The following NKTR variants were observed in gnomAD, a reference collection of about 807,000 sequenced individuals.
The protein encoded by NKTR is natural killer cell triggering receptor, also known as NK-tumor recognition protein.
Under a neutral mutation model 156.3 loss-of-function variants are expected in NKTR, and 67 were observed. The observed-to-expected ratio is 0.43, with a 90% CI of 0.35 to 0.53. The LOEUF (loss-of-function observed/expected upper bound fraction) is 0.53, where lower values mean the gene tolerates loss of function less well. Ranked by LOEUF, NKTR falls within the 20% of genes least tolerant of loss-of-function variation. The pLI is 0.01. For missense variants in NKTR, 1,604 were observed against 1,730.9 expected (o/e 0.93, Z 1.30); for synonymous variants, 640 against 596.6 (o/e 1.07, Z -1.06).
In NKTR at chr3:42,639,591, G is replaced by T; in HGVS notation, c.3887G>T (p.Ser1296Ile). The change falls in exon 13 of 17, where the codon AGT becomes ATT. Residue 1296 changes from serine to isoleucine, a missense_variant. Physicochemically the swap from Ser to Ile is moderately radical, Grantham distance 142. This residue lies in a region of NKTR where 193 missense variants were observed against 220.2 expected (regional missense o/e 0.88). Transcript: ENST00000232978. The part of the protein sequence containing the change: ...RLNRRPRNQE[S>I]SSDEQTPSRD... ...AACCGTAGACCAAGAAATCAGGAGAGTTCAAGTGATGAGCAGACGCCTAGT... is the reference window on the plus strand; with the variant it reads ...AACCGTAGACCAAGAAATCAGGAGATTTCAAGTGATGAGCAGACGCCTAGT... 1 of 1,614,214 alleles carries T rather than the reference G, an allele frequency of 6.2e-7. No individual in the cohort carries two copies. The highest frequency in any genetic ancestry group is 8.5e-7 in the Non-Finnish European group (1 of 1,180,032).
At chr3:42,612,457 A>T (rs987131795) in intron 2 of NKTR, 1 of 152,128 alleles carries the variant, frequency 6.6e-6, no homozygotes, top group African/African-American at 2.4e-5. Flanking sequence ...AACATTTAAA[A>T]CCATAATTAA....
chr3:42,640,176 A>G (rs1709763318), intron 13 of NKTR, among the ~76,000 whole-genome samples: 1 of 152,250 alleles, frequency 6.6e-6, no homozygotes, highest in Non-Finnish European at 1.5e-5. Context: ...TTACCTGCCC[A>G]AGACATGCAT....
intron 2 of NKTR, among the ~76,000 whole-genome samples, chr3:42,605,588 GA>G (rs1237501254): frequency 1.3e-5 from 2 of 152,138 alleles, no homozygotes; most frequent in Non-Finnish European, 2.9e-5. Flanking sequence ...AACAGGACAG[GA>G]AAATTTGCTT....
intron 6 of NKTR, chr3:42,629,543 TG>T (rs1708702764): frequency 6.1e-6 from 6 of 984,444 alleles, no homozygotes; most frequent in Non-Finnish European, 7.2e-6. Context: ...GAAATTTATA[TG>T]GCAGCTTCTA....
rs760751574 is a variant in NKTR, at chr3:42,632,608, GAAA to G, written c.563_565del (p.Lys188del). 5.0e-6 allele frequency: 8 copies of G among 1,596,318 alleles called. No individual in the cohort carries two copies. In the African/African-American group the frequency reaches 1.1e-4, roughly 22 times the overall value. ...ATTAATGTTTCTTAAAAGTTTTTGA[GAAA>G]AAAAGGAAGAAACCAACTCATTCAG... On this transcript the variant is annotated inframe_deletion, in exon 9 of 17. Coordinates refer to ENST00000232978, the MANE Select transcript of NKTR (RefSeq NM_005385.4).
rs376762349 is a variant in NKTR, at chr3:42,647,267, A to ATGTGTGTGTGTGT, written c.*1292_*1293insTGTGTGTGTGTGT. The stretch of plus-strand genomic sequence containing the variant: ...AAAAATAATTGGACCTGTAAAAACT[A>ATGTGTGTGTGTGT]GTGTGTGTGTGTGTGTGTGTGTGTG... On this transcript the variant is annotated 3_prime_UTR_variant, in exon 17 of 17. Coordinates refer to ENST00000232978, the MANE Select transcript of NKTR (RefSeq NM_005385.4). 1 of 102,974 alleles carries ATGTGTGTGTGTGT rather than the reference A, an allele frequency of 9.7e-6. No individual in the cohort carries two copies. The highest frequency in any genetic ancestry group is 9.9e-5 in the Admixed American group (1 of 10,130). The allele number at this position is 102,974 out of a possible 1,614,324, so 6.4% of individuals were successfully genotyped here. A position where few individuals can be genotyped will look rare whatever the true frequency, so the allele number is the denominator to read the frequency against.
At position 42,638,583 on chromosome 3, in the gene NKTR, C is replaced by G. The variant is rs1709618333; in HGVS notation, c.2879C>G (p.Ser960Cys). Residue 960 changes from serine (S) to cysteine (C), a missense_variant, in exon 13 of 17, where the codon TCT (serine) becomes TGT (cysteine). This residue lies in a region of NKTR where 1,255 missense variants were observed against 1,243.7 expected (regional missense o/e 1.01). Transcript: ENST00000232978. ...SSKQRTSTSD[S>C]EGSCSNSENN... Reference sequence around the variant, plus strand: ...AAACAGCGCACATCAACTTCTGACTCTGAGGGGTCCTGTTCCAATTCGGAA... The same window carrying G: ...AAACAGCGCACATCAACTTCTGACTGTGAGGGGTCCTGTTCCAATTCGGAA... The G allele has an allele frequency of 7.4e-6, 12 of 1,614,068 alleles. No individual in the cohort carries two copies. Among genetic ancestry groups the G allele is most frequent in the Non-Finnish European group, 1.0e-5 (12 of 1,180,000 alleles).
Position 42,637,542 on chromosome 3 carries a change from G to A in NKTR, c.1838G>A (p.Ser613Asn), listed in dbSNP as rs1339695542. 4 of 1,613,892 alleles carry A rather than the reference G, an allele frequency of 2.5e-6. No homozygotes were observed. Reference protein sequence around the residue: ...ENIPVIPLSDSPPPSRWKPGQ... With the variant: ...ENIPVIPLSDNPPPSRWKPGQ... ...ATTCCTGTAATACCACTGAGTGACA[G>A]TCCCCCCCCTTCAAGATGGAAGCCT... Residue 613 changes from serine (S) to asparagine (N), a missense_variant, in exon 13 of 17, where the codon AGT (serine) becomes AAT (asparagine). Transcript: ENST00000232978.
intron 2 of NKTR, among the ~76,000 whole-genome samples, chr3:42,608,558 AG>A (rs1290883102): frequency 6.6e-6 from 1 of 152,120 alleles, no homozygotes; most frequent in Non-Finnish European, 1.5e-5. Flanking sequence ...CCTGCCATTT[AG>A]GGGGTTTTGT....
intron 2 of NKTR, among the ~76,000 whole-genome samples, chr3:42,616,563 T>TA (rs1425177072): frequency 6.6e-6 from 1 of 152,210 alleles, no homozygotes; most frequent in Non-Finnish European, 1.5e-5. Flanking sequence ...ATATGGTATA[T>TA]AGCAATAGAT....
In NKTR at chr3:42,619,580, A is replaced by C. The variant is rs1206523032; in HGVS notation, c.242-84A>C. On this transcript the variant is annotated intron_variant, in intron 4 of 16. Coordinates refer to ENST00000232978, the MANE Select transcript of NKTR (RefSeq NM_005385.4). ...GTTATAACATTCCAAGGTTTCCTTC[A>C]GCGAATTGAAGCTATCAAAAATGAT... is the stretch of plus-strand genomic sequence containing the variant. 5.0e-6 allele frequency: 8 copies of C among 1,586,710 alleles called. No homozygotes were observed. In the African/African-American group the frequency reaches 9.6e-5, roughly 19 times the overall value.
rs764873261 is a variant in NKTR at position 42,644,014 on chromosome 3, CTCCTTTATCG to C, written c.4301+22_4301+31del. ...TAATCGGCGGTCCAGGTGGGTCTCTCTCCTTTATCGTCCTTTATCGCACTGTAGGCCACGG... is the reference window on the plus strand; with the variant it reads ...TAATCGGCGGTCCAGGTGGGTCTCTCTCCTTTATCGCACTGTAGGCCACGG... On this transcript the variant is annotated intron_variant, in intron 16 of 16. Coordinates refer to ENST00000232978, the MANE Select transcript of NKTR (RefSeq NM_005385.4). The C allele has an allele frequency of 2.5e-6, 4 of 1,602,024 alleles. No individual in the cohort carries two copies. The highest frequency in any genetic ancestry group is 3.4e-6 in the Non-Finnish European group (4 of 1,169,950).
chr3:42,620,719 T>G (rs1577481612), intron 5 of NKTR: 2 of 984,542 alleles, frequency 2.0e-6, no homozygotes, highest in African/African-American at 3.5e-5. Context: ...TTTTTTTTCC[T>G]TTGAACTAGT....
chr3:42,638,617 G>A lies in NKTR; in HGVS notation c.2913G>A (p.Arg971=), dbSNP rs149712691. ...EGSCSNSENN[R]GKPQKHKHGS... ...CCTGTTCCAATTCGGAAAACAATAG[G>A]GGAAAGCCACAAAAGCACAAACATG... Residue 971 remains arginine (R), a synonymous_variant, in exon 13 of 17, where the codon AGG becomes AGA. Transcript: ENST00000232978. The A allele has an allele frequency of 6.2e-6, 10 of 1,613,568 alleles. No homozygotes were observed. Among genetic ancestry groups the A allele is most frequent in the Non-Finnish European group, 8.5e-6 (10 of 1,179,928 alleles).
intron 6 of NKTR, chr3:42,629,695 T>C (rs1388629744): frequency 1.0e-5 from 10 of 980,542 alleles, no homozygotes; most frequent in Non-Finnish European, 9.7e-6. Flanking sequence ...AGACTAATTA[T>C]CTGCTTTTGA....
At chr3:42,606,792 G>T (rs1706276376) in intron 2 of NKTR, among the ~76,000 whole-genome samples, 2 of 152,050 alleles carry the variant, frequency 1.3e-5, no homozygotes, top group African/African-American at 4.8e-5. Flanking sequence ...AGGATTGCTT[G>T]AGCATAGGAG....
chr3:42,647,142 C>T lies in NKTR; in HGVS notation c.*1167C>T, dbSNP rs1414623491. ...TTTCCACTGTGACCTGCAGCTGACT[C>T]AAAGCCTTGCGTGACCTGACCCAGG... On this transcript the variant is annotated 3_prime_UTR_variant, in exon 17 of 17. Coordinates refer to ENST00000232978, the MANE Select transcript of NKTR (RefSeq NM_005385.4). 1.3e-5 allele frequency: 2 copies of T among 152,170 alleles called. No homozygotes were observed. Among genetic ancestry groups the T allele is most frequent in the Non-Finnish European group, 2.9e-5 (2 of 68,060 alleles). 9.4% of individuals were successfully genotyped at this position (152,170 alleles called of 1,614,324 possible). A position where few individuals can be genotyped will look rare whatever the true frequency, so the allele number is the denominator to read the frequency against.
chr3:42,636,752 C>T, intron 12 of NKTR, 116 bp from the exon 13 acceptor site: 1 of 1,395,944 alleles, frequency 7.2e-7, no homozygotes, highest in Non-Finnish European at 9.4e-7. Flanking sequence ...TTCACGCTTC[C>T]TGCGTGTGCT....
intron 2 of NKTR, among the ~76,000 whole-genome samples, chr3:42,611,687 C>G (rs574516377): frequency 2.1e-5 from 3 of 145,322 alleles, no homozygotes; most frequent in East Asian, 2.1e-4. Flanking sequence ...GAGCCAAGAT[C>G]GTGCCACTGC....
Sources: gnomAD v4.1 joint callset for allele counts (sites outside exome capture counted in the v4.1 genomes callset) on GRCh38, gnomAD v4.1.1 for gene constraint, gnomAD v4.1.1 regional missense constraint, MANE v1.5 for transcripts, NCBI Gene and HGNC (gene_info 2026-07-23, HGNC 2026-07-21) for gene names.